TNKS: variants seen among roughly 807,000 people sequenced by gnomAD.
TNKS encodes tankyrase.
Under a neutral mutation model 135.8 loss-of-function variants are expected in TNKS, and 72 were observed. The ratio of observed to expected loss-of-function variants is 0.53; its 90% CI spans 0.44 to 0.64. The LOEUF is 0.64. TNKS is among the 30% of genes least tolerant of loss of function. The pLI is 0.00. For synonymous variants in TNKS, 849 were observed against 649.3 expected (o/e 1.31, Z -4.68); for missense variants, 1,769 against 1,674.0 (o/e 1.06, Z -0.99).
Position 9,761,507 on chromosome 8 carries a change from A to T in TNKS, c.3154-9A>T. On this transcript the variant is annotated splice_polypyrimidine_tract_variant and intron_variant, in intron 20 of 26. Transcript: ENST00000310430. ...AAGATATCCTAGCTAATTTTGTTTC[A>T]TTTTTCAGATTACACTAGATGTGTT... The T allele has an allele frequency of 6.2e-7, 1 of 1,612,132 alleles. No homozygotes were observed. The highest frequency in any genetic ancestry group is 1.7e-5 in the Admixed American group (1 of 59,552).
intron 5 of TNKS, among the ~76,000 whole-genome samples, chr8:9,684,942 G>A (rs374607379): frequency 3.5e-4 from 53 of 152,098 alleles, no homozygotes; most frequent in African/African-American, 1.2e-3. Context: ...CTGATTTAAG[G>A]TGACAGTGTT....
At chr8:9,728,228 T>A (rs1805255458) in intron 13 of TNKS, among the ~76,000 whole-genome samples, 1 of 152,106 alleles carries the variant, frequency 6.6e-6, no homozygotes, top group Non-Finnish European at 1.5e-5. Flanking sequence ...CAGCACAAAT[T>A]GAGTGAGAAT....
At chr8:9,585,335 G>C (rs1443022478) in intron 2 of TNKS, among the ~76,000 whole-genome samples, 1 of 152,030 alleles carries the variant, frequency 6.6e-6, no homozygotes, top group Non-Finnish European at 1.5e-5. Context: ...CACGTGATAT[G>C]AGTTTCAGAG....
intron 1 of TNKS, among the ~76,000 whole-genome samples, chr8:9,570,634 G>T (rs1279050954): frequency 6.6e-6 from 1 of 152,114 alleles, no homozygotes; most frequent in Non-Finnish European, 1.5e-5. Context: ...CCTCTATATG[G>T]CCCATGTTCC....
chr8:9,707,516 A>T (rs1229206443), intron 8 of TNKS, among the ~76,000 whole-genome samples: 1 of 152,150 alleles, frequency 6.6e-6, no homozygotes, highest in Non-Finnish European at 1.5e-5. Flanking sequence ...TTTATTTGTC[A>T]TGTGTGTTAT....
intron 21 of TNKS, among the ~76,000 whole-genome samples, chr8:9,762,836 C>A (rs1227934343): frequency 6.7e-6 from 1 of 149,944 alleles, no homozygotes; most frequent in Non-Finnish European, 1.5e-5. Flanking sequence ...ACCCGGGAGG[C>A]GGAGCTTGCA....
intron 16 of TNKS, 33 bp from the exon 17 acceptor site, chr8:9,735,344 A>C: frequency 1.9e-6 from 3 of 1,585,816 alleles, no homozygotes; most frequent in Non-Finnish European, 1.7e-6. Context: ...CTTTAAGCTG[A>C]CACGTTTCCT....
At chr8:9,762,586 C>G (rs559724699) in intron 21 of TNKS, among the ~76,000 whole-genome samples, 4 of 152,146 alleles carry the variant, frequency 2.6e-5, no homozygotes, top group Non-Finnish European at 5.9e-5. Flanking sequence ...ACTCTGCAGT[C>G]TGTACAAGAA....
intron 3 of TNKS, among the ~76,000 whole-genome samples, chr8:9,649,473 T>G (rs567036191): frequency 1.3e-5 from 2 of 152,328 alleles, no homozygotes; most frequent in South Asian, 4.1e-4. Flanking sequence ...GGTCTTTAAT[T>G]TTTTAATTTT....
chr8:9,673,223 T>G (rs1247578762), intron 3 of TNKS, among the ~76,000 whole-genome samples: 1 of 152,204 alleles, frequency 6.6e-6, no homozygotes, highest in Admixed American at 6.5e-5. Flanking sequence ...GTCATATTAC[T>G]GCCTCCTGCA....
intron 21 of TNKS, 89 bp downstream of exon 21, chr8:9,761,725 C>T: frequency 7.3e-7 from 1 of 1,364,386 alleles, no homozygotes; most frequent in Non-Finnish European, 9.9e-7. Flanking sequence ...GCAGTCCAGT[C>T]CCAGAACCAT....
chr8:9,677,836 G>C (rs1031272236), intron 3 of TNKS, among the ~76,000 whole-genome samples: 1 of 152,062 alleles, frequency 6.6e-6, no homozygotes, highest in African/African-American at 2.4e-5. Flanking sequence ...CTTTGCTTCA[G>C]ATACACAGAG....
intron 2 of TNKS, among the ~76,000 whole-genome samples, chr8:9,598,765 G>GTATATATA (rs71201956): frequency 8.9e-4 from 44 of 49,574 alleles, no homozygotes; most frequent in South Asian, 2.7e-3. Context: ...ATGTGTGTGT[G>GTATATATA]TATATATATA....
At chr8:9,689,923 A>G (rs966742796) in intron 5 of TNKS, among the ~76,000 whole-genome samples, 2 of 152,228 alleles carry the variant, frequency 1.3e-5, no homozygotes, top group Admixed American at 1.3e-4. Flanking sequence ...TCTGTTGTCC[A>G]TTACGTAGAA....
intron 3 of TNKS, among the ~76,000 whole-genome samples, chr8:9,673,744 G>C (rs552054686): frequency 5.9e-5 from 9 of 151,986 alleles, no homozygotes; most frequent in Non-Finnish European, 1.3e-4. Context: ...CACCCGGCCT[G>C]GAATTTTTTT....
chr8:9,730,413 G>T (rs1244654337), intron 13 of TNKS, among the ~76,000 whole-genome samples: 1 of 152,122 alleles, frequency 6.6e-6, no homozygotes, highest in Non-Finnish European at 1.5e-5. Flanking sequence ...AAAGACCCAG[G>T]GAGTGGCCCA....
intron 6 of TNKS, among the ~76,000 whole-genome samples, chr8:9,705,934 G>C (rs1804019579): frequency 6.6e-6 from 1 of 151,986 alleles, no homozygotes; most frequent in Admixed American, 6.6e-5. Context: ...ATTAGCATAT[G>C]ATCTTCCTTT....
chr8:9,750,085 A>G (rs184695621), intron 18 of TNKS, among the ~76,000 whole-genome samples: 126 of 152,348 alleles, frequency 8.3e-4, no homozygotes, highest in African/African-American at 2.8e-3. Context: ...CAGTGGGACA[A>G]TGCCCATAAG....
intron 26 of TNKS, chr8:9,772,234 T>G: frequency 2.7e-6 from 1 of 366,650 alleles, no homozygotes; most frequent in Non-Finnish European, 5.4e-6. Context: ...CGTGGTTTTC[T>G]TATTACAGAC....
Sources: allele counts gnomAD v4.1 joint callset (sites outside exome capture counted in the v4.1 genomes callset), GRCh38; gene constraint gnomAD v4.1.1; transcripts MANE v1.5; gene names NCBI Gene and HGNC (gene_info 2026-07-23, HGNC 2026-07-21).